Variants in ABCA4 observed in about 807,000 individuals in gnomAD.
ABCA4 encodes retinal-specific phospholipid-transporting ATPase ABCA4.
In ABCA4, 196 loss-of-function variants were observed where a neutral mutation model predicts 263.7. The ratio of observed to expected loss-of-function variants is 0.74; its 90% CI spans 0.66 to 0.84. The LOEUF is 0.84. Among genes scored for constraint, ABCA4 ranks in the 40% least tolerant of loss-of-function variants. The pLI is 0.00. For missense variants in ABCA4, 2,792 were observed against 2,855.1 expected (o/e 0.98, Z 0.50); for synonymous variants, 1,133 against 1,094.2 (o/e 1.04, Z -0.70).
intron 35 of ABCA4, 38 bp downstream of exon 35, chr1:94,021,202 G>A: frequency 6.2e-7 from 1 of 1,613,476 alleles, no homozygotes; most frequent in Non-Finnish European, 8.5e-7. Flanking sequence ...TGGAGAAGGT[G>A]ACAAGAAAGT....
At chr1:94,018,348 C>T (rs1659795022) in intron 36 of ABCA4, among the ~76,000 whole-genome samples, 1 of 152,232 alleles carries the variant, frequency 6.6e-6, no homozygotes, top group Non-Finnish European at 1.5e-5. Flanking sequence ...TTTATATTAG[C>T]ATCACAGGGC....
intron 5 of ABCA4, among the ~76,000 whole-genome samples, chr1:94,099,555 T>TA (rs1381137453): frequency 6.6e-6 from 1 of 152,192 alleles, no homozygotes; most frequent in Non-Finnish European, 1.5e-5. Flanking sequence ...ATCCCCTTCT[T>TA]ACAGCATGAT....
rs1660980967 is a variant in ABCA4 at position 94,056,509 on chromosome 1, A to C, written c.2382+92T>G. ...TAACCTTAGGTCAAAGGCAAAGTGG[A>C]CCCCCTCAGAGGGCAGGCTGGGCCT... On this transcript the variant is annotated intron_variant, in intron 15 of 49. Transcript: ENST00000370225. 6 of 1,355,660 alleles carry C rather than the reference A, an allele frequency of 4.4e-6. No homozygotes were observed. The Admixed American group carries it at 5.8e-5, about 13-fold the overall frequency. 84.0% of individuals were successfully genotyped at this position (1,355,660 alleles called of 1,614,324 possible).
intron 40 of ABCA4, among the ~76,000 whole-genome samples, chr1:94,009,456 G>A (rs1202829807): frequency 6.6e-6 from 1 of 152,112 alleles, no homozygotes; most frequent in African/African-American, 2.4e-5. Context: ...TGTAGTTACA[G>A]CCCTGCAATC....
intron 3 of ABCA4, among the ~76,000 whole-genome samples, chr1:94,109,838 C>T (rs1318139107): frequency 6.6e-6 from 1 of 152,186 alleles, no homozygotes; most frequent in Non-Finnish European, 1.5e-5. Context: ...GCCTTGCAAG[C>T]AAAAGAACCT....
chr1:94,018,833 T>G (rs1162774927), intron 36 of ABCA4, among the ~76,000 whole-genome samples: 1 of 151,966 alleles, frequency 6.6e-6, no homozygotes, highest in Non-Finnish European at 1.5e-5. Context: ...CCCACCAACC[T>G]TGGTTGTCAG....
chr1:94,120,997 G>A lies in ABCA4; in HGVS notation c.49C>T (p.Leu17=), dbSNP rs1253134357. The A allele has an allele frequency of 6.2e-7, 1 of 1,609,472 alleles. No homozygotes were observed. Among genetic ancestry groups the A allele is most frequent in the Admixed American group, 1.7e-5 (1 of 59,622 alleles). Residue 17 remains leucine (L), a synonymous_variant, in exon 1 of 50, where the codon CTG becomes TTG. Transcript: ENST00000370225. ...ACTGTTACCTTTTGCCTTTTCCGCA[G>A]GGTCCAGTTCTTCCAGAGCAAAAGC... is the stretch of plus-strand genomic sequence containing the variant. The part of the protein sequence containing the change: ...IQLLLWKNWT[L]RKRQKIRFVV...
intron 6 of ABCA4, among the ~76,000 whole-genome samples, chr1:94,089,700 G>A (rs914627759): frequency 1.3e-5 from 2 of 152,032 alleles, no homozygotes; most frequent in African/African-American, 2.4e-5. Context: ...GACCTCAAGT[G>A]ATGCGTCTGC....
intron 44 of ABCA4, 129 bp from the exon 45 acceptor site, chr1:94,002,121 C>T (rs1372591547): frequency 1.0e-5 from 14 of 1,363,454 alleles, no homozygotes; most frequent in Admixed American, 1.9e-5. Flanking sequence ...GAAACAGGCT[C>T]CTGCTGGCTC....
chr1:94,005,125 T>C (rs938086636), intron 44 of ABCA4, among the ~76,000 whole-genome samples: 4 of 152,254 alleles, frequency 2.6e-5, no homozygotes, highest in African/African-American at 4.8e-5. Flanking sequence ...GATCACCTTA[T>C]ACATATTCAT....
In ABCA4 at chr1:94,030,515, G is replaced by T. The variant is rs1450732484; in HGVS notation, c.4265C>A (p.Pro1422Gln). 5 of 1,614,192 alleles carry T rather than the reference G, an allele frequency of 3.1e-6. No homozygotes were observed. Among genetic ancestry groups the T allele is most frequent in the Non-Finnish European group, 4.2e-6 (5 of 1,180,000 alleles). The change falls in exon 29 of 50, where the codon CCA becomes CAA. Residue 1422 changes from proline to glutamine, a missense_variant. Transcript: ENST00000370225. ...AAGTACCGTGAACTGCTCACTGCCT[G>T]GTTCATCCATGCTAGACAGAGTGAG... is the stretch of plus-strand genomic sequence containing the variant. ...QQYTFFSMDE[P>Q]GSEQFTVLAD... is the part of the protein sequence containing the mutation.
At chr1:94,008,354 G>T in intron 41 of ABCA4, 57 bp from the exon 42 acceptor site, 1 of 1,551,990 alleles carries the variant, frequency 6.4e-7, no homozygotes, top group Non-Finnish European at 8.9e-7. Context: ...GCAAGGAGGG[G>T]AAGAGGGAAC....
Position 94,079,364 on chromosome 1 carries a change from C to T in ABCA4, c.1197G>A (p.Leu399=). 6.2e-7 allele frequency: 1 copy of T among 1,614,150 alleles called. No homozygotes were observed. The highest frequency in any genetic ancestry group is 1.3e-5 in the African/African-American group (1 of 75,040). The stretch of plus-strand genomic sequence containing the variant: ...GTGCTGCAGGTGAATCAGGAGTGTA[C>T]AGGATTTTTCCCATCAGCAAAGGCT... ...AAKPLLMGKI[L]YTPDSPAARR... Residue 399 remains leucine, a synonymous_variant, in exon 9 of 50, where the codon CTG becomes CTA. Transcript: ENST00000370225.
At chr1:94,116,968 C>CTCTTTT (rs1553197106) in intron 1 of ABCA4, among the ~76,000 whole-genome samples, 2 of 99,940 alleles carry the variant, frequency 2.0e-5, no homozygotes, top group East Asian at 3.2e-4. Context: ...TTCTTTCTTT[C>CTCTTTT]TCTTTCTTTC....
At chr1:94,087,048 T>C (rs1017297645) in intron 6 of ABCA4, among the ~76,000 whole-genome samples, 3 of 152,202 alleles carry the variant, frequency 2.0e-5, no homozygotes, top group Non-Finnish European at 4.4e-5. Context: ...TGTGTCTTCA[T>C]ATGGTGGAAG....
intron 6 of ABCA4, among the ~76,000 whole-genome samples, chr1:94,095,506 T>A (rs1662099852): frequency 6.6e-6 from 1 of 152,076 alleles, no homozygotes; most frequent in African/African-American, 2.4e-5. Flanking sequence ...GGCCCAGCAT[T>A]CCCGCACTGC....
chr1:94,003,483 T>A (rs1308949853), intron 44 of ABCA4, among the ~76,000 whole-genome samples: 1 of 152,118 alleles, frequency 6.6e-6, no homozygotes, highest in Non-Finnish European at 1.5e-5. Flanking sequence ...GGGTATCACA[T>A]CTCGGGGCAT....
At chr1:94,091,835 T>C (rs986087411) in intron 6 of ABCA4, among the ~76,000 whole-genome samples, 3 of 152,194 alleles carry the variant, frequency 2.0e-5, no homozygotes, top group Non-Finnish European at 4.4e-5. Flanking sequence ...GAAATTGATA[T>C]AAGGTCCTAG....
At chr1:94,083,988 C>T (rs1036861351) in intron 6 of ABCA4, among the ~76,000 whole-genome samples, 16 of 152,228 alleles carry the variant, frequency 1.1e-4, no homozygotes, top group African/African-American at 3.6e-4. Context: ...TGGTAGGAGT[C>T]GGAGAAGTTC....
Sources: allele counts gnomAD v4.1 joint callset (sites outside exome capture counted in the v4.1 genomes callset), GRCh38; gene constraint gnomAD v4.1.1; transcripts MANE v1.5; gene names NCBI Gene and HGNC (gene_info 2026-07-23, HGNC 2026-07-21).